The following CADPS variants were observed in gnomAD, a reference collection of about 807,000 sequenced individuals.
The protein encoded by CADPS is calcium-dependent secretion activator 1.
CADPS carries 57 observed loss-of-function variants against 167.3 expected under a neutral mutation model. The ratio of observed to expected loss-of-function variants is 0.34; its 90% CI spans 0.28 to 0.42. The LOEUF (loss-of-function observed/expected upper bound fraction) is 0.42, where lower values mean the gene tolerates loss of function less well. CADPS is among the 20% of genes least tolerant of loss of function. The pLI, the probability that CADPS is intolerant of heterozygous loss-of-function variation, is 1.00. For synonymous variants in CADPS, 676 were observed against 635.3 expected, an observed-to-expected ratio of 1.06 and a Z score of -0.96; for missense variants, 1,414 against 1,738.1, an observed-to-expected ratio of 0.81 and a Z score of 3.32.
At chr3:62,815,648 T>TA (rs2094578434) in intron 1 of CADPS, among the ~76,000 whole-genome samples, 1 of 152,170 alleles carries the variant, frequency 6.6e-6, no homozygotes, top group Non-Finnish European at 1.5e-5. Context: ...GTGTTTCTGT[T>TA]AAAAATTGGT....
chr3:62,531,326 C>G (rs958930676), intron 13 of CADPS, among the ~76,000 whole-genome samples: 3 of 151,978 alleles, frequency 2.0e-5, no homozygotes, highest in Non-Finnish European at 2.9e-5. Context: ...GCACAGATAC[C>G]CCCCAGGTAT....
chr3:62,874,600 G>C lies in CADPS; in HGVS notation c.430C>G (p.Arg144Gly), dbSNP rs759170162. The C allele has an allele frequency of 6.4e-6, 10 of 1,552,796 alleles. No individual in the cohort carries two copies. Among genetic ancestry groups the C allele is most frequent in the Admixed American group, 2.0e-5 (1 of 51,276 alleles). Reference sequence around the variant, plus strand: ...CCAGGCGCACCTACCTTCTGCTGCCGGCGAGCCATGTCGGTGGGCTGCTTG... The same window carrying C: ...CCAGGCGCACCTACCTTCTGCTGCCCGCGAGCCATGTCGGTGGGCTGCTTG... Reference protein sequence around the residue: ...NAKQPTDMARRQQKISKQQLQ... With the variant: ...NAKQPTDMARGQQKISKQQLQ... Residue 144 changes from arginine (R) to glycine (G), a missense_variant, in exon 1 of 30, where the codon CGG (arginine) becomes GGG (glycine). This residue lies in a region of CADPS where 522 missense variants were observed against 559.5 expected (regional missense o/e 0.93). Transcript: ENST00000383710. The surrounding 1 kb of genome is among the most constrained non-coding windows in gnomAD (Gnocchi z 7.1).
At chr3:62,675,358 A>T (rs943464708) in intron 3 of CADPS, among the ~76,000 whole-genome samples, 2 of 152,078 alleles carry the variant, frequency 1.3e-5, no homozygotes, top group African/African-American at 4.8e-5. Flanking sequence ...TAAAATATAG[A>T]CTCTATTTGA....
chr3:62,509,616 TAGA>T (rs2151503770), intron 17 of CADPS, among the ~76,000 whole-genome samples: 1 of 152,306 alleles, frequency 6.6e-6, no homozygotes, highest in Non-Finnish European at 1.5e-5. Context: ...TGACCTGATC[TAGA>T]AGGTTTCTGT....
At chr3:62,716,883 T>C (rs965308003) in intron 3 of CADPS, among the ~76,000 whole-genome samples, 4 of 152,226 alleles carry the variant, frequency 2.6e-5, no homozygotes, top group Non-Finnish European at 5.9e-5. Context: ...GTGGTACACC[T>C]GCAGATTCTC....
chr3:62,407,098 TA>T (rs1235995528), intron 28 of CADPS, among the ~76,000 whole-genome samples: 7 of 152,108 alleles, frequency 4.6e-5, no homozygotes, highest in Admixed American at 4.6e-4. Flanking sequence ...AAGGCCTCAA[TA>T]AATGTTAGCT....
rs552448587 is a variant in CADPS, at chr3:62,548,642, T to C, written c.1966+1261A>G. Reference sequence around the variant, plus strand: ...TTTACCTCTATTTAGTAGTTACAGCTGCAAAATTATTCCACCCACATCCAT... The same window carrying C: ...TTTACCTCTATTTAGTAGTTACAGCCGCAAAATTATTCCACCCACATCCAT... On this transcript the variant is annotated intron_variant, in intron 11 of 29. Transcript: ENST00000383710. Among the ~76,000 whole-genome samples, 6 of 152,380 alleles carry C rather than the reference T, an allele frequency of 3.9e-5. No homozygotes were observed. The South Asian group carries it at 1.2e-3, about 32-fold the overall frequency.
chr3:62,577,965 A>C (rs1022270485), intron 8 of CADPS, among the ~76,000 whole-genome samples: 1 of 152,224 alleles, frequency 6.6e-6, no homozygotes, highest in Non-Finnish European at 1.5e-5. Flanking sequence ...GGACAAACAG[A>C]AAATAAAAAG....
At chr3:62,724,354 G>A (rs1352708452) in intron 3 of CADPS, among the ~76,000 whole-genome samples, 1 of 152,078 alleles carries the variant, frequency 6.6e-6, no homozygotes, top group Non-Finnish European at 1.5e-5. Flanking sequence ...CAATTGCAAT[G>A]GCATGCAGCT....
intron 3 of CADPS, among the ~76,000 whole-genome samples, chr3:62,691,506 A>T (rs563594696): frequency 6.6e-6 from 1 of 151,678 alleles, no homozygotes; most frequent in Non-Finnish European, 1.5e-5. Context: ...AGGTTTACTT[A>T]AAAAAAAATT....
intron 2 of CADPS, among the ~76,000 whole-genome samples, chr3:62,761,365 A>G (rs1398769048): frequency 1.3e-5 from 2 of 151,114 alleles, no homozygotes; most frequent in Admixed American, 6.6e-5. Flanking sequence ...ATTAAAAAAC[A>G]AAACCAAAAC....
At chr3:62,591,605 A>G (rs1004239746) in intron 7 of CADPS, among the ~76,000 whole-genome samples, 1 of 152,172 alleles carries the variant, frequency 6.6e-6, no homozygotes, top group Non-Finnish European at 1.5e-5. Flanking sequence ...AAACGAGTTC[A>G]GATTTTACCA....
Position 62,399,694 on chromosome 3 carries a change from A to C in CADPS, c.3883-109T>G. Reference sequence around the variant, plus strand: ...GAGCACTGACCTTCAGCTAAATATCACACTTTATGCATTGTCAAATAAAAA... The same window carrying C: ...GAGCACTGACCTTCAGCTAAATATCCCACTTTATGCATTGTCAAATAAAAA... On this transcript the variant is annotated intron_variant, in intron 29 of 29. Transcript: ENST00000383710. This position sits in a 1 kb window ranked among gnomAD's most constrained non-coding sequence, Gnocchi z 5.6. 6.3e-6 allele frequency: 5 copies of C among 796,280 alleles called. No homozygotes were observed. The highest frequency in any genetic ancestry group is 2.5e-5 in the East Asian group (1 of 40,486). The allele number at this position is 796,280 out of a possible 1,614,324, so 49.3% of individuals were successfully genotyped here. A position where few individuals can be genotyped will look rare whatever the true frequency, so the allele number is the denominator to read the frequency against.
intron 28 of CADPS, among the ~76,000 whole-genome samples, chr3:62,416,754 G>T (rs2050137254): frequency 6.6e-6 from 1 of 152,184 alleles, no homozygotes; most frequent in African/African-American, 2.4e-5. Flanking sequence ...GGTTCTTCCT[G>T]GGGGACCATT....
intron 28 of CADPS, among the ~76,000 whole-genome samples, chr3:62,424,480 G>C (rs1455567148): frequency 1.3e-5 from 2 of 152,134 alleles, no homozygotes; most frequent in Admixed American, 6.5e-5. Context: ...ACCGCGCCTG[G>C]CCTGATAATT....
chr3:62,721,139 A>ATTTTTTT (rs1268261563), intron 3 of CADPS, among the ~76,000 whole-genome samples: 4 of 113,086 alleles, frequency 3.5e-5, no homozygotes, highest in Non-Finnish European at 5.2e-5. Context: ...TTTTTTAAAA[A>ATTTTTTT]AAAAAAGAAG....
At chr3:62,757,559 C>T (rs1231814) in intron 2 of CADPS, among the ~76,000 whole-genome samples, 1 of 152,086 alleles carries the variant, frequency 6.6e-6, no homozygotes, top group Admixed American at 6.5e-5. Context: ...AGAAGGTCAA[C>T]GGGAAACCAG....
chr3:62,686,938 G>T (rs2078153970), intron 3 of CADPS, among the ~76,000 whole-genome samples: 1 of 152,072 alleles, frequency 6.6e-6, no homozygotes, highest in Non-Finnish European at 1.5e-5. Context: ...TCCCCACATA[G>T]TAATGCTCAA....
At chr3:62,789,248 T>G (rs304212) in intron 1 of CADPS, among the ~76,000 whole-genome samples, 114,483 of 152,030 alleles carry the variant, frequency 0.75, 43,402 homozygotes, top group East Asian at 0.95. Context: ...TTGACAATAC[T>G]GAGAAATAAG....
Sources: allele counts gnomAD v4.1 joint callset (sites outside exome capture counted in the v4.1 genomes callset), GRCh38; gene constraint gnomAD v4.1.1; regional missense constraint gnomAD v4.1.1; non-coding constraint Gnocchi (gnomAD v3.1); transcripts MANE v1.5; gene names NCBI Gene and HGNC (gene_info 2026-07-23, HGNC 2026-07-21).